The following DOCK1 variants were observed in gnomAD, a reference collection of about 807,000 sequenced individuals.
DOCK1 encodes dedicator of cytokinesis 1.
A neutral mutation model predicts 262.7 loss-of-function variants in DOCK1; 138 were observed. The observed-to-expected ratio is 0.53, with a 90% CI of 0.46 to 0.61. The LOEUF is 0.61. Among genes scored for constraint, DOCK1 ranks in the 20% least tolerant of loss-of-function variants. DOCK1 has a pLI of 0.00. For synonymous variants in DOCK1, 866 were observed against 867.4 expected, an observed-to-expected ratio of 1.00 and a Z score of 0.03; for missense variants, 1,908 against 2,370.7, an observed-to-expected ratio of 0.80 and a Z score of 4.05.
intron 1 of DOCK1, among the ~76,000 whole-genome samples, chr10:126,939,484 G>T (rs951613717): frequency 6.7e-6 from 1 of 149,974 alleles, no homozygotes; most frequent in African/African-American, 2.5e-5. Context: ...TACTTTTGCT[G>T]TATTTCTTAG....
intron 38 of DOCK1, chr10:127,402,674 A>G (rs751023190): frequency 1.9e-6 from 1 of 523,030 alleles, no homozygotes; most frequent in South Asian, 1.4e-5. Context: ...CATAAATGGC[A>G]CCCCACAGCC....
At chr10:127,186,995 C>T (rs1355742244) in intron 27 of DOCK1, among the ~76,000 whole-genome samples, 8 of 152,160 alleles carry the variant, frequency 5.3e-5, no homozygotes, top group South Asian at 2.1e-4. Context: ...TGACTCCCAG[C>T]GTTTTGGTTG....
chr10:127,346,554 C>T (rs532902336), intron 31 of DOCK1, among the ~76,000 whole-genome samples: 1 of 152,152 alleles, frequency 6.6e-6, no homozygotes, highest in Non-Finnish European at 1.5e-5. Flanking sequence ...CATGATCACA[C>T]GACTGCGCTC....
At chr10:127,002,776 G>T (rs2040686034) in intron 10 of DOCK1, among the ~76,000 whole-genome samples, 1 of 152,170 alleles carries the variant, frequency 6.6e-6, no homozygotes, top group Non-Finnish European at 1.5e-5. Flanking sequence ...CCTGATATCT[G>T]CTGATCACAT....
At chr10:127,431,322 G>T (rs1456019595) in intron 47 of DOCK1, among the ~76,000 whole-genome samples, 1 of 152,192 alleles carries the variant, frequency 6.6e-6, no homozygotes, top group East Asian at 1.9e-4. Context: ...TTATGCGGCA[G>T]ACCGCCCAGT....
chr10:126,992,189 C>G (rs1225077226), intron 6 of DOCK1, among the ~76,000 whole-genome samples: 1 of 152,058 alleles, frequency 6.6e-6, no homozygotes, highest in South Asian at 2.1e-4. Context: ...ATTTCAAGAC[C>G]ACCTGCTTAA....
At chr10:127,115,843 C>A (rs2049146666) in intron 25 of DOCK1, among the ~76,000 whole-genome samples, 1 of 152,198 alleles carries the variant, frequency 6.6e-6, no homozygotes, top group Admixed American at 6.5e-5. Flanking sequence ...CTTTGGGAAG[C>A]TTGTTTCAAT....
rs965399434 is a variant in DOCK1, at chr10:126,942,621, C to G, written c.47-28081C>G. ...AGCCCCGAGGGAGCCGAGCCAGCCC[C>G]GAGGGAGCCGTCATCTGGGACCCTG... On this transcript the variant is annotated intron_variant, in intron 1 of 51. Coordinates refer to ENST00000623213, the MANE Select transcript of DOCK1 (RefSeq NM_001290223.2). Among the ~76,000 whole-genome samples, 878 of 152,246 alleles carry G rather than the reference C, an allele frequency of 5.8e-3. 9 individuals carry two copies. The highest frequency in any genetic ancestry group is 0.02 in the African/African-American group (846 of 41,546).
chr10:127,190,329 T>TA (rs2056628352), intron 27 of DOCK1, among the ~76,000 whole-genome samples: 1 of 152,208 alleles, frequency 6.6e-6, no homozygotes, highest in Non-Finnish European at 1.5e-5. Context: ...TACTGCCTTC[T>TA]CACGGTGTTT....
At position 127,142,555 on chromosome 10, in the gene DOCK1, C is replaced by T. The variant is rs117862165; in HGVS notation, c.2847+14791C>T. On this transcript the variant is annotated intron_variant, in intron 27 of 51. Coordinates refer to ENST00000623213, the MANE Select transcript of DOCK1 (RefSeq NM_001290223.2). ...TGGAGCCAGGCCAGCCTTACCTGTG[C>T]GGGGTGTTCTGTCCTATAAACACCT... 2.2e-4 allele frequency among the ~76,000 whole-genome samples: 33 copies of T among 152,272 alleles called. No individual in the cohort carries two copies. In the East Asian group the frequency reaches 5.4e-3, roughly 25 times the overall value.
chr10:127,121,226 CTT>C (rs35938133), intron 25 of DOCK1, among the ~76,000 whole-genome samples: 164 of 136,080 alleles, frequency 1.2e-3, no homozygotes, highest in Middle Eastern at 3.8e-3. Flanking sequence ...ACCCCTCCTC[CTT>C]TTTTTTTTTT....
intron 1 of DOCK1, among the ~76,000 whole-genome samples, chr10:126,925,552 T>C (rs1275651239): frequency 2.6e-5 from 4 of 152,068 alleles, no homozygotes; most frequent in Non-Finnish European, 5.9e-5. Context: ...CCCAGCTAAT[T>C]TTTGTGTTTT....
chr10:126,985,940 G>A (rs1002478864), intron 4 of DOCK1, among the ~76,000 whole-genome samples: 1 of 152,108 alleles, frequency 6.6e-6, no homozygotes, highest in Non-Finnish European at 1.5e-5. Flanking sequence ...CGTCTCCCGG[G>A]TTCAAGTGAT....
intron 1 of DOCK1, among the ~76,000 whole-genome samples, chr10:126,928,274 C>T (rs1366306770): frequency 6.6e-6 from 1 of 152,200 alleles, no homozygotes; most frequent in East Asian, 1.9e-4. Context: ...TGCTGTGGGC[C>T]AGGGTTCAGC....
intron 1 of DOCK1, among the ~76,000 whole-genome samples, chr10:126,907,416 G>T (rs2031071439): frequency 6.6e-6 from 1 of 152,120 alleles, no homozygotes; most frequent in African/African-American, 2.4e-5. Context: ...TCGGGGTGCA[G>T]TGGGGGCCAT....
intron 1 of DOCK1, among the ~76,000 whole-genome samples, chr10:126,948,476 C>T (rs983942528): frequency 1.4e-4 from 21 of 151,632 alleles, no homozygotes; most frequent in African/African-American, 4.6e-4. Flanking sequence ...ACTGATGTTG[C>T]TGGTGAGGGT....
At chr10:127,274,240 C>T (rs564860149) in intron 29 of DOCK1, among the ~76,000 whole-genome samples, 180 of 152,258 alleles carry the variant, frequency 1.2e-3, no homozygotes, top group Non-Finnish European at 2.0e-3. Context: ...TGTGTTTTAG[C>T]TTAAAGAAAC....
At chr10:127,161,308 A>G (rs1019449734) in intron 27 of DOCK1, among the ~76,000 whole-genome samples, 2 of 152,204 alleles carry the variant, frequency 1.3e-5, no homozygotes, top group African/African-American at 4.8e-5. Context: ...GTTGATTTTC[A>G]TAACCAACTC....
At chr10:126,938,962 G>A (rs1340130007) in intron 1 of DOCK1, among the ~76,000 whole-genome samples, 1 of 89,752 alleles carries the variant, frequency 1.1e-5, no homozygotes, top group Non-Finnish European at 2.1e-5. Context: ...GCGAACACCT[G>A]GGGGGACAAA....
Sources: allele counts gnomAD v4.1 joint callset (sites outside exome capture counted in the v4.1 genomes callset), GRCh38; gene constraint gnomAD v4.1.1; transcripts MANE v1.5; gene names NCBI Gene and HGNC (gene_info 2026-07-23, HGNC 2026-07-21).